TET2: variants seen among roughly 807,000 people sequenced by gnomAD.
TET2 encodes methylcytosine dioxygenase TET2.
A neutral mutation model predicts 142.9 loss-of-function variants in TET2; 299 were observed. That is an observed-to-expected ratio of 2.09 (90% confidence interval 1.90 to 2.30). The LOEUF (loss-of-function observed/expected upper bound fraction) is 2.30. Ranked by LOEUF, TET2 falls within the 30% of genes most tolerant of loss-of-function variation. TET2 has a pLI of 0.00. For synonymous variants in TET2, 819 were observed against 849.0 expected (o/e 0.96, Z 0.61); for missense variants, 2,418 against 2,378.0 (o/e 1.02, Z -0.35).
chr4:105,179,925 T>C (rs1725018380), intron 1 of TET2, among the ~76,000 whole-genome samples: 1 of 152,234 alleles, frequency 6.6e-6, no homozygotes, highest in African/African-American at 2.4e-5. Context: ...GGAAAGTTTT[T>C]CTAGCATGCA....
intron 1 of TET2, chr4:105,178,146 C>A (rs1166630921): frequency 1.3e-5 from 2 of 151,990 alleles, no homozygotes; most frequent in Non-Finnish European, 2.9e-5. Context: ...TAAAAACCTG[C>A]ACACATTGTT....
At chr4:105,204,997 A>G (rs1286477588) in intron 2 of TET2, among the ~76,000 whole-genome samples, 1 of 152,048 alleles carries the variant, frequency 6.6e-6, no homozygotes, top group Non-Finnish European at 1.5e-5. Context: ...GTTTTCCTAA[A>G]TTAGTGATTT....
In TET2 at chr4:105,231,385, A is replaced by G. The variant is rs374567003; in HGVS notation, c.-46-2512A>G. Among the ~76,000 whole-genome samples the G allele has an allele frequency of 8.5e-5, 13 of 152,266 alleles. 1 individual carries two copies. The South Asian group carries it at 1.0e-3, about 12-fold the overall frequency. Reference sequence around the variant, plus strand: ...TATATTAGTATAGTTTTAAAGTTATATTAAAATAGGTCTTCCACATTTTAA... The same window carrying G: ...TATATTAGTATAGTTTTAAAGTTATGTTAAAATAGGTCTTCCACATTTTAA... On this transcript the variant is annotated intron_variant, in intron 2 of 10. Coordinates refer to ENST00000380013, the MANE Select transcript of TET2 (RefSeq NM_001127208.3).
rs776410987 is a variant in TET2 at position 105,275,654 on chromosome 4, T to C, written c.5144T>C (p.Val1715Ala). 22 of 1,551,846 alleles carry C rather than the reference T, an allele frequency of 1.4e-5. No individual in the cohort carries two copies. The highest frequency in any genetic ancestry group is 1.8e-5 in the Non-Finnish European group (21 of 1,147,042). The change falls in exon 11 of 11, where the codon GTA becomes GCA. Residue 1715 changes from valine (V) to alanine (A), a missense_variant. Val to Ala is a moderately conservative substitution (Grantham distance 64). Transcript: ENST00000380013. ...AGCAGTTGTACCATTAGACCAAATG[T>C]ACATCATGTAGGGAAATTGCCTCCT... ...GFSSCTIRPN[V>A]HHVGKLPPYP...
At chr4:105,213,789 A>G (rs894897391) in intron 2 of TET2, among the ~76,000 whole-genome samples, 8 of 152,208 alleles carry the variant, frequency 5.3e-5, no homozygotes, top group African/African-American at 1.9e-4. Context: ...AGAGAGAACT[A>G]TGACCAATTG....
Position 105,148,648 on chromosome 4 carries a change from T to G in TET2, c.-193+1669T>G, listed in dbSNP as rs140216495. Among the ~76,000 whole-genome samples the G allele has an allele frequency of 8.2e-4, 125 of 152,344 alleles. 1 individual carries two copies. In the South Asian group the frequency reaches 0.019, roughly 23 times the overall value. ...GCATTTTAATGGAAAGTTGAAATACTAAGGGGAGTTATGTTCTTTTACATG... is the reference window on the plus strand; with the variant it reads ...GCATTTTAATGGAAAGTTGAAATACGAAGGGGAGTTATGTTCTTTTACATG... On this transcript the variant is annotated intron_variant, in intron 1 of 10. Transcript: ENST00000380013.
chr4:105,237,472 CAT>C, intron 3 of TET2, 121 bp downstream of exon 3: 1 of 1,610,000 alleles, frequency 6.2e-7, no homozygotes, highest in African/African-American at 1.3e-5. Flanking sequence ...TGTAAAGGCT[CAT>C]AAAAATCTGA....
At chr4:105,250,058 A>G (rs1729786847) in intron 6 of TET2, among the ~76,000 whole-genome samples, 1 of 152,158 alleles carries the variant, frequency 6.6e-6, no homozygotes, top group Non-Finnish European at 1.5e-5. Context: ...TTTTTAATTA[A>G]TGTTGAGTTA....
intron 1 of TET2, among the ~76,000 whole-genome samples, 158 bp from the exon 2 acceptor site, chr4:105,190,202 C>T (rs1725703183): frequency 6.6e-6 from 1 of 152,186 alleles, no homozygotes; most frequent in East Asian, 1.9e-4. Context: ...TTGAGAGTGT[C>T]ATTGCTTTGA....
At position 105,219,793 on chromosome 4, in the gene TET2, TCTCA is replaced by T. The variant is rs376871771; in HGVS notation, c.-46-14101_-46-14098del. 2.0e-3 allele frequency among the ~76,000 whole-genome samples: 309 copies of T among 152,254 alleles called. 2 individuals are homozygous for T. The highest frequency in any genetic ancestry group is 0.014 in the Admixed American group (209 of 15,278). On this transcript the variant is annotated intron_variant, in intron 2 of 10. Transcript: ENST00000380013. ...ACTCGACTTTAAGACTTTGTTCAGA[TCTCA>T]CTATCTTAATGAGATTTACCCTCAT...
intron 1 of TET2, among the ~76,000 whole-genome samples, chr4:105,181,904 A>G (rs1725142167): frequency 1.3e-5 from 2 of 152,022 alleles, no homozygotes; most frequent in Admixed American, 6.6e-5. Context: ...TTTAGGGAGG[A>G]GTGTATTTAA....
chr4:105,228,760 T>C (rs1728326369), intron 2 of TET2, among the ~76,000 whole-genome samples: 1 of 152,124 alleles, frequency 6.6e-6, no homozygotes, highest in Non-Finnish European at 1.5e-5. Flanking sequence ...TGACTTTCTT[T>C]CTGCAGGATT....
rs893533074 is a variant in TET2, at chr4:105,185,262, T to G, written c.-192-5098T>G. 9.9e-5 allele frequency among the ~76,000 whole-genome samples: 15 copies of G among 152,276 alleles called. 1 individual carries two copies. In the South Asian group the frequency reaches 2.9e-3, roughly 29 times the overall value. ...TTACCTTTCCCCAAAATGAAATGTTTCACTGAATCTCCTACAAGCTTGTGG... is the reference window on the plus strand; with the variant it reads ...TTACCTTTCCCCAAAATGAAATGTTGCACTGAATCTCCTACAAGCTTGTGG... On this transcript the variant is annotated intron_variant, in intron 1 of 10. Transcript: ENST00000380013.
chr4:105,208,334 G>A (rs1195367862), intron 2 of TET2, among the ~76,000 whole-genome samples: 1 of 152,034 alleles, frequency 6.6e-6, no homozygotes, highest in Non-Finnish European at 1.5e-5. Context: ...GTTTTGGTGG[G>A]AACTGGTAGC....
At chr4:105,257,077 C>T (rs1033830803) in intron 6 of TET2, among the ~76,000 whole-genome samples, 24 of 152,088 alleles carry the variant, frequency 1.6e-4, no homozygotes, top group African/African-American at 5.8e-4. Context: ...GGAATAGCCT[C>T]TATTGACTAC....
chr4:105,171,443 T>A (rs948966423), intron 1 of TET2: 2 of 152,248 alleles, frequency 1.3e-5, no homozygotes, highest in African/African-American at 4.8e-5. Flanking sequence ...TAATATATGT[T>A]ATTGATCATA....
At position 105,276,456 on chromosome 4, in the gene TET2, C is replaced by G. The variant is rs1468809053; in HGVS notation, c.5946C>G (p.Ser1982=). The change falls in exon 11 of 11, where the codon TCC becomes TCG. Residue 1982 remains serine (S), a synonymous_variant. Coordinates refer to ENST00000380013, the MANE Select transcript of TET2 (RefSeq NM_001127208.3). ...AERTMSVTTD[S]TVTTSPYAFT... ...GGACCATGTCCGTGACCACAGACTCCACAGTAACTACATCTCCATATGCCT... is the reference window on the plus strand; with the variant it reads ...GGACCATGTCCGTGACCACAGACTCGACAGTAACTACATCTCCATATGCCT... 1.3e-6 allele frequency: 2 copies of G among 1,551,768 alleles called. No individual in the cohort carries two copies. Among genetic ancestry groups the G allele is most frequent in the Admixed American group, 3.9e-5 (2 of 50,992 alleles).
intron 2 of TET2, among the ~76,000 whole-genome samples, chr4:105,230,457 G>C (rs956533430): frequency 3.9e-5 from 6 of 152,188 alleles, no homozygotes; most frequent in African/African-American, 1.2e-4. Flanking sequence ...AAAGCCACAT[G>C]AGAGAGTATC....
At chr4:105,241,512 A>C (rs1729296523) in intron 4 of TET2, 83 bp downstream of exon 4, 1 of 1,492,518 alleles carries the variant, frequency 6.7e-7, no homozygotes, top group Non-Finnish European at 8.9e-7. Flanking sequence ...CACACAAAGC[A>C]GTAAACAATT....
Sources: gnomAD v4.1 joint callset for allele counts (sites outside exome capture counted in the v4.1 genomes callset) on GRCh38, gnomAD v4.1.1 for gene constraint, MANE v1.5 for transcripts, NCBI Gene and HGNC (gene_info 2026-07-23, HGNC 2026-07-21) for gene names.